Variants in HARS1 observed in about 807,000 individuals in gnomAD.
HARS1 encodes the protein histidine--tRNA ligase, cytoplasmic.
Under a neutral mutation model 63.6 loss-of-function variants are expected in HARS1, and 45 were observed. The observed-to-expected ratio is 0.71, with a 90% confidence interval of 0.56 to 0.91. The LOEUF (loss-of-function observed/expected upper bound fraction) is 0.91, where lower values mean the gene tolerates loss of function less well. HARS1 is among the 40% of genes least tolerant of loss of function. The probability of loss-of-function intolerance (pLI) is 0.00; values close to 1 mark genes in which losing one functional copy is unlikely to be tolerated. For synonymous variants in HARS1, 205 were observed against 247.1 expected (o/e 0.83, Z 1.60); for missense variants, 508 against 643.2 (o/e 0.79, Z 2.27).
chr5:140,674,713 A>T lies in HARS1; in HGVS notation c.1424T>A (p.Val475Asp), dbSNP rs368359061. 6.2e-7 allele frequency: 1 copy of T among 1,614,016 alleles called. No homozygotes were observed. Among genetic ancestry groups the T allele is most frequent in the Non-Finnish European group, 8.5e-7 (1 of 1,180,018 alleles). Residue 475 changes from valine to aspartate, a missense_variant, in exon 12 of 13, where the codon GTC (valine) becomes GAC (aspartate). Transcript: ENST00000504156. Reference protein sequence around the residue: ...IIGEQELKDGVIKLRSVTSRE... With the variant: ...IIGEQELKDGDIKLRSVTSRE... ...GCTCGTCACTGAACGGAGCTTGATG[A>T]CCCCATCCTTGAGTTCCTGCTCGCC... is the stretch of plus-strand genomic sequence containing the variant.
chr5:140,674,247 T>C lies in HARS1; in HGVS notation c.*10A>G, dbSNP rs1758212502. 1.9e-6 allele frequency: 3 copies of C among 1,567,184 alleles called. No homozygotes were observed. Among genetic ancestry groups the C allele is most frequent in the Non-Finnish European group, 2.6e-6 (3 of 1,137,160 alleles). Reference sequence around the variant, plus strand: ...AGTCCCACTTCCTTTCCTCTGATAGTTTGTTCAGTTCAGCAGATGCAGAGG... The same window carrying C: ...AGTCCCACTTCCTTTCCTCTGATAGCTTGTTCAGTTCAGCAGATGCAGAGG... On this transcript the variant is annotated 3_prime_UTR_variant, in exon 13 of 13. Coordinates refer to ENST00000504156, the MANE Select transcript of HARS1 (RefSeq NM_002109.6).
In HARS1 at chr5:140,674,250, G is replaced by C. The variant is rs548083318; in HGVS notation, c.*7C>G. ...CCCACTTCCTTTCCTCTGATAGTTT[G>C]TTCAGTTCAGCAGATGCAGAGGGGC... On this transcript the variant is annotated 3_prime_UTR_variant, in exon 13 of 13. Transcript: ENST00000504156. The C allele has an allele frequency of 6.4e-7, 1 of 1,574,800 alleles. No individual in the cohort carries two copies. The highest frequency in any genetic ancestry group is 1.1e-5 in the South Asian group (1 of 90,278).
rs760132903 is a variant in HARS1 at position 140,679,031 on chromosome 5, G to A, written c.493C>T (p.Arg165Cys). The change falls in exon 5 of 13, where the codon CGT becomes TGT. Residue 165 changes from arginine (R) to cysteine (C), a missense_variant. Around this residue, in one of 2 missense-constraint regions of HARS1, gnomAD observed 403 missense variants for 548.7 expected, o/e 0.73. Coordinates refer to ENST00000504156, the MANE Select transcript of HARS1 (RefSeq NM_002109.6). This position sits in a 1 kb window ranked among gnomAD's most constrained non-coding sequence, Gnocchi z 4.3. Reference protein sequence around the residue: ...VYRRDNPAMTRGRYREFYQCD... With the variant: ...VYRRDNPAMTCGRYREFYQCD... The stretch of plus-strand genomic sequence containing the variant: ...TGGTAGAATTCCCGGTATCGGCCAC[G>A]GGTCATGGCTGGGTTATCCCGCCGA... The A allele has an allele frequency of 7.4e-6, 12 of 1,613,918 alleles. No homozygotes were observed. The highest frequency in any genetic ancestry group is 1.1e-5 in the South Asian group (1 of 91,078).
rs1325589921 is a variant in HARS1, at chr5:140,674,451, A to G, written c.1459-123T>C. 3.6e-6 allele frequency: 3 copies of G among 834,536 alleles called. No individual in the cohort carries two copies. The South Asian group carries it at 4.5e-5, about 13-fold the overall frequency. 51.7% of individuals were successfully genotyped at this position (834,536 alleles called of 1,614,324 possible). Reference sequence around the variant, plus strand: ...TCAGCTGGGAGCAGGAACCTAATTAAACACCTCAGGCTAGAGTGTGCCTCT... The same window carrying G: ...TCAGCTGGGAGCAGGAACCTAATTAGACACCTCAGGCTAGAGTGTGCCTCT... On this transcript the variant is annotated intron_variant, in intron 12 of 12. Transcript: ENST00000504156.
At position 140,674,764 on chromosome 5, in the gene HARS1, G is replaced by A; in HGVS notation, c.1373C>T (p.Ala458Val). ...GATGATAGCCACCAGTGGGATGCCT[G>A]CCTCCTCACAGTACTGTAACTGGTT... The part of the protein sequence containing the change: ...LLNQLQYCEE[A>V]GIPLVAIIGE... The change falls in exon 12 of 13, where the codon GCA becomes GTA. Residue 458 changes from alanine to valine, a missense_variant. By Grantham distance (64) the Ala-to-Val change is moderately conservative. Transcript: ENST00000504156. The A allele has an allele frequency of 1.2e-6, 2 of 1,614,126 alleles. No homozygotes were observed. The highest frequency in any genetic ancestry group is 1.7e-6 in the Non-Finnish European group (2 of 1,180,008).
intron 2 of HARS1, among the ~76,000 whole-genome samples, chr5:140,690,413 T>G (rs889790747): frequency 3.3e-5 from 5 of 151,866 alleles, no homozygotes; most frequent in African/African-American, 1.2e-4. Flanking sequence ...GATGTGCCAC[T>G]GCACTCCAGC....
chr5:140,682,512 T>A (rs1429543266), intron 3 of HARS1, among the ~76,000 whole-genome samples: 5 of 152,206 alleles, frequency 3.3e-5, no homozygotes, highest in Non-Finnish European at 7.3e-5. Context: ...GCAGTGGGAA[T>A]CACTGGGTTT....
Position 140,683,143 on chromosome 5 carries a change from C to T in HARS1, c.257G>A (p.Arg86His), listed in dbSNP as rs555242163. ...TGTATCAATGACTTCTGCACCGTGG[C>T]GCTTGAAGCAACGGATGATTACGTC... ...VFDVIIRCFK[R>H]HGAEVIDTPV... is the part of the protein sequence containing the mutation. The change falls in exon 3 of 13, where the codon CGC becomes CAC. Residue 86 changes from arginine to histidine, a missense_variant. By Grantham distance (29) the Arg-to-His change is conservative. Transcript: ENST00000504156. 5.1e-5 allele frequency: 83 copies of T among 1,613,902 alleles called. 1 individual carries two copies. Among genetic ancestry groups the T allele is most frequent in the South Asian group, 4.8e-4 (44 of 91,078 alleles).
intron 12 of HARS1, 90 bp downstream of exon 12, chr5:140,674,589 C>A: frequency 1.4e-6 from 2 of 1,429,274 alleles, no homozygotes; most frequent in Non-Finnish European, 2.0e-6. Flanking sequence ...AATATCAATG[C>A]CAGGCTTTTT....
chr5:140,686,997 T>C (rs148213958), intron 2 of HARS1, among the ~76,000 whole-genome samples: 361 of 152,384 alleles, frequency 2.4e-3, no homozygotes, highest in African/African-American at 8.4e-3. Context: ...ACTTCGTTTA[T>C]TGTTGTAAAA....
Position 140,674,245 on chromosome 5 carries a change from A to G in HARS1, c.*12T>C. On this transcript the variant is annotated 3_prime_UTR_variant, in exon 13 of 13. Transcript: ENST00000504156. ...CCAGTCCCACTTCCTTTCCTCTGAT[A>G]GTTTGTTCAGTTCAGCAGATGCAGA... 1 of 1,551,124 alleles carries G rather than the reference A, an allele frequency of 6.4e-7. No individual in the cohort carries two copies. The highest frequency in any genetic ancestry group is 8.9e-7 in the Non-Finnish European group (1 of 1,122,498).
At chr5:140,674,480 G>A in intron 12 of HARS1, 152 bp from the exon 13 acceptor site, 1 of 799,122 alleles carries the variant, frequency 1.3e-6, no homozygotes, top group Non-Finnish European at 2.1e-6. Flanking sequence ...TGCCTCTTGG[G>A]GGAGCCAACA....
intron 2 of HARS1, 35 bp downstream of exon 2, chr5:140,690,820 A>T (rs1759368680): frequency 4.3e-6 from 5 of 1,166,180 alleles, no homozygotes; most frequent in Admixed American, 1.7e-5. Context: ...AGAGTTAGAG[A>T]CTTTCTCAGT....
At chr5:140,688,143 A>G (rs549415263) in intron 2 of HARS1, among the ~76,000 whole-genome samples, 5 of 139,914 alleles carry the variant, frequency 3.6e-5, no homozygotes, top group African/African-American at 1.3e-4. Context: ...AAAACAAAAC[A>G]AAAGAATTAT....
At chr5:140,674,899 C>A (rs1267923122) in intron 11 of HARS1, 74 bp from the exon 12 acceptor site, 1 of 1,569,336 alleles carries the variant, frequency 6.4e-7, no homozygotes, top group East Asian at 2.2e-5. Context: ...CAAGCTGGCA[C>A]CCTGTTCTTA....
intron 10 of HARS1, 65 bp from the exon 11 acceptor site, chr5:140,675,198 T>C: frequency 9.3e-7 from 1 of 1,073,080 alleles, no homozygotes; most frequent in Non-Finnish European, 1.4e-6. Flanking sequence ...AAGCAGGCTC[T>C]AGTCGGGATT....
At chr5:140,685,028 C>T (rs1174742997) in intron 2 of HARS1, 4 of 152,060 alleles carry the variant, frequency 2.6e-5, no homozygotes, top group Non-Finnish European at 4.4e-5. Flanking sequence ...AAAATCTAAC[C>T]TTACACAGAT....
chr5:140,680,441 G>A (rs187880261), intron 3 of HARS1, among the ~76,000 whole-genome samples: 6 of 152,064 alleles, frequency 3.9e-5, no homozygotes, highest in Non-Finnish European at 7.4e-5. Flanking sequence ...CACAGCGCCC[G>A]GCCTGAAGTG....
rs1758288242 is a variant in HARS1 at position 140,675,128 on chromosome 5, C to A, written c.1200G>T (p.Leu400Phe). The A allele has an allele frequency of 3.1e-6, 5 of 1,598,630 alleles. No homozygotes were observed. The highest frequency in any genetic ancestry group is 4.3e-6 in the Non-Finnish European group (5 of 1,166,088). ...FSIVEQRLEA[L>F]EEKIRTTETQ... ...TCTCCGTGGTCCGTATCTTCTCCTC[C>A]AAAGCCTGGGGAAGGGGCAGATAAA... is the stretch of plus-strand genomic sequence containing the variant. The change falls in exon 11 of 13, where the codon TTG becomes TTT. Residue 400 changes from leucine to phenylalanine, a missense_variant. Leu to Phe is a conservative substitution (Grantham distance 22). Around this residue, in one of 2 missense-constraint regions of HARS1, gnomAD observed 403 missense variants for 548.7 expected, o/e 0.73. Coordinates refer to ENST00000504156, the MANE Select transcript of HARS1 (RefSeq NM_002109.6).
Sources: allele counts gnomAD v4.1 joint callset (sites outside exome capture counted in the v4.1 genomes callset), GRCh38; gene constraint gnomAD v4.1.1; regional missense constraint gnomAD v4.1.1; non-coding constraint Gnocchi (gnomAD v3.1); transcripts MANE v1.5; gene names NCBI Gene and HGNC (gene_info 2026-07-23, HGNC 2026-07-21).